Variants in LRRC75A observed in about 807,000 individuals in gnomAD.
LRRC75A encodes leucine-rich repeat-containing protein 75A.
LRRC75A carries 12 observed loss-of-function variants against 26.0 expected under a neutral mutation model. The ratio of observed to expected loss-of-function variants is 0.46; its 90% CI spans 0.30 to 0.75. The LOEUF (loss-of-function observed/expected upper bound fraction) is 0.75. Among genes scored for constraint, LRRC75A ranks in the 30% least tolerant of loss-of-function variants. The pLI is 0.08. For missense variants in LRRC75A, 410 were observed against 486.6 expected, an observed-to-expected ratio of 0.84 and a Z score of 1.48; for synonymous variants, 223 against 219.3, an observed-to-expected ratio of 1.02 and a Z score of -0.15.
At chr17:16,448,659 GA>G (rs1458808361) in intron 2 of LRRC75A, among the ~76,000 whole-genome samples, 2 of 152,202 alleles carry the variant, frequency 1.3e-5, no homozygotes, top group Non-Finnish European at 2.9e-5. Context: ...GGCCTTTAAA[GA>G]GGTGACTAAG....
At chr17:16,451,346 A>T (rs1349297801) in intron 2 of LRRC75A, among the ~76,000 whole-genome samples, 1 of 152,142 alleles carries the variant, frequency 6.6e-6, no homozygotes, top group African/African-American at 2.4e-5. Flanking sequence ...GGGGCCAGGC[A>T]CGGTGGCTCA....
At chr17:16,487,542 C>T (rs1456369143) in intron 1 of LRRC75A, among the ~76,000 whole-genome samples, 2 of 152,282 alleles carry the variant, frequency 1.3e-5, no homozygotes, top group Non-Finnish European at 2.9e-5. Flanking sequence ...AAGCTCAAGC[C>T]ATCCTCCTAC....
intron 1 of LRRC75A, among the ~76,000 whole-genome samples, chr17:16,490,601 C>G (rs1227308002): frequency 6.6e-6 from 1 of 152,054 alleles, no homozygotes; most frequent in Non-Finnish European, 1.5e-5. Flanking sequence ...TAAGAGCGCA[C>G]CAGATACAAA....
intron 1 of LRRC75A, among the ~76,000 whole-genome samples, chr17:16,476,991 G>A (rs2093822396): frequency 6.6e-6 from 1 of 151,234 alleles, no homozygotes; most frequent in Non-Finnish European, 1.5e-5. Flanking sequence ...GCCCGCCTTG[G>A]CCTCCCAAAG....
At chr17:16,456,333 G>A (rs1297958308) in intron 2 of LRRC75A, among the ~76,000 whole-genome samples, 3 of 143,650 alleles carry the variant, frequency 2.1e-5, no homozygotes, top group African/African-American at 5.3e-5. Context: ...AGAAGGAAGA[G>A]GAGGAGGAAG....
At chr17:16,449,876 CAA>C (rs1288067816) in intron 2 of LRRC75A, among the ~76,000 whole-genome samples, 1 of 152,170 alleles carries the variant, frequency 6.6e-6, no homozygotes, top group African/African-American at 2.4e-5. Flanking sequence ...CTTGGCCTCC[CAA>C]AGTGCTGGGA....
At chr17:16,452,423 G>A (rs1386663530) in intron 2 of LRRC75A, among the ~76,000 whole-genome samples, 2 of 146,568 alleles carry the variant, frequency 1.4e-5, no homozygotes, top group African/African-American at 5.0e-5. Flanking sequence ...GGGTGGCTCA[G>A]GCACAGGGAT....
chr17:16,490,071 G>T (rs1434610596), intron 1 of LRRC75A, among the ~76,000 whole-genome samples: 4 of 152,222 alleles, frequency 2.6e-5, no homozygotes, highest in Non-Finnish European at 5.9e-5. Flanking sequence ...AGGGACTGGG[G>T]AGCCCAAAGT....
chr17:16,455,918 G>C (rs1187324963), intron 2 of LRRC75A, among the ~76,000 whole-genome samples: 1 of 152,146 alleles, frequency 6.6e-6, no homozygotes, highest in Non-Finnish European at 1.5e-5. Flanking sequence ...AAAGCCTTCA[G>C]TGAGACTGTC....
chr17:16,474,885 C>T (rs1039979017), intron 1 of LRRC75A, among the ~76,000 whole-genome samples: 2 of 150,398 alleles, frequency 1.3e-5, no homozygotes, highest in East Asian at 2.0e-4. Flanking sequence ...CCCAGCTACT[C>T]GGGAGGCTGA....
intron 2 of LRRC75A, 93 bp from the exon 3 acceptor site, chr17:16,448,053 TC>T (rs1455647035): frequency 6.9e-6 from 8 of 1,165,890 alleles, no homozygotes; most frequent in African/African-American, 6.1e-5. Context: ...AGAGCCCAGC[TC>T]CCCCAGGCTG....
intron 2 of LRRC75A, among the ~76,000 whole-genome samples, chr17:16,453,105 A>C (rs2093646330): frequency 6.6e-6 from 1 of 152,046 alleles, no homozygotes; most frequent in Non-Finnish European, 1.5e-5. Flanking sequence ...CCTGTCCAAT[A>C]TGGTGAAACC....
chr17:16,458,670 G>A (rs1000128171), intron 2 of LRRC75A, among the ~76,000 whole-genome samples: 9 of 151,996 alleles, frequency 5.9e-5, no homozygotes, highest in Admixed American at 2.0e-4. Flanking sequence ...TCTCCATGTT[G>A]GTCAGGCTGG....
At chr17:16,459,193 G>A (rs2093708574) in intron 2 of LRRC75A, among the ~76,000 whole-genome samples, 1 of 152,246 alleles carries the variant, frequency 6.6e-6, no homozygotes, top group Admixed American at 6.5e-5. Context: ...TCCCTTCAGA[G>A]TTTATATTCT....
chr17:16,468,603 GT>G (rs1260982424), intron 1 of LRRC75A, among the ~76,000 whole-genome samples: 38 of 152,156 alleles, frequency 2.5e-4, no homozygotes, highest in African/African-American at 9.2e-4. Context: ...CACAGTGTCC[GT>G]TTTGCAAGAT....
chr17:16,481,374 T>C (rs1415903579), intron 1 of LRRC75A, among the ~76,000 whole-genome samples: 1 of 152,182 alleles, frequency 6.6e-6, no homozygotes, highest in Non-Finnish European at 1.5e-5. Context: ...TAGTCAACTG[T>C]AGGTGTTTAT....
chr17:16,458,717 G>A lies in LRRC75A; in HGVS notation c.375+3541C>T, dbSNP rs1335565766. On this transcript the variant is annotated intron_variant, in intron 2 of 3. Transcript: ENST00000470794. Reference sequence around the variant, plus strand: ...CAACCTCAGATGATCCACCTGCCTCGGCCTCCCAAAGTGCTCGGTGGCCTC... The same window carrying A: ...CAACCTCAGATGATCCACCTGCCTCAGCCTCCCAAAGTGCTCGGTGGCCTC... Among the ~76,000 whole-genome samples, 4 of 151,898 alleles carry A rather than the reference G, an allele frequency of 2.6e-5. No homozygotes were observed. In the East Asian group the frequency reaches 5.8e-4, roughly 22 times the overall value.
Position 16,492,026 on chromosome 17 carries a change from C to T in LRRC75A, c.-36G>A. ...CCCGCCGGGACTCTCCGCTCTGGGCCGCGAGGCCGCGTCCCCGCCAACCGC... is the reference window on the plus strand; with the variant it reads ...CCCGCCGGGACTCTCCGCTCTGGGCTGCGAGGCCGCGTCCCCGCCAACCGC... On this transcript the variant is annotated 5_prime_UTR_variant, in exon 1 of 4. Coordinates refer to ENST00000470794, the MANE Select transcript of LRRC75A (RefSeq NM_001113567.3). The T allele has an allele frequency of 8.9e-7, 1 of 1,123,892 alleles. No homozygotes were observed. Among genetic ancestry groups the T allele is most frequent in the East Asian group, 4.9e-5 (1 of 20,464 alleles). The allele number at this position is 1,123,892 out of a possible 1,614,324, so 69.6% of individuals were successfully genotyped here. A position where few individuals can be genotyped will look rare whatever the true frequency, so the allele number is the denominator to read the frequency against.
intron 1 of LRRC75A, among the ~76,000 whole-genome samples, chr17:16,478,880 G>C (rs1183076805): frequency 6.6e-6 from 1 of 152,224 alleles, no homozygotes; most frequent in Non-Finnish European, 1.5e-5. Context: ...AAGTTCAGAG[G>C]ACTGGCACGT....
Sources: allele counts gnomAD v4.1 joint callset (sites outside exome capture counted in the v4.1 genomes callset), GRCh38; gene constraint gnomAD v4.1.1; transcripts MANE v1.5; gene names NCBI Gene and HGNC (gene_info 2026-07-23, HGNC 2026-07-21).